DISP3: variants seen among roughly 807,000 people sequenced by gnomAD.
DISP3 encodes the protein dispatched RND transporter family member 3.
A neutral mutation model predicts 135.3 loss-of-function variants in DISP3; 101 were observed. The observed-to-expected ratio is 0.75, with a 90% confidence interval of 0.64 to 0.88. The LOEUF is 0.88. Ranked by LOEUF, DISP3 falls within the 40% of genes least tolerant of loss-of-function variation. DISP3 has a pLI of 0.00. For synonymous variants in DISP3, 856 were observed against 817.0 expected (o/e 1.05, Z -0.81); for missense variants, 1,713 against 1,878.6 (o/e 0.91, Z 1.63).
At chr1:11,530,518 T>G (rs1642550110) in intron 15 of DISP3, among the ~76,000 whole-genome samples, 1 of 151,648 alleles carries the variant, frequency 6.6e-6, no homozygotes. Flanking sequence ...TCGGAGGAGA[T>G]CTGTGTGTTC....
intron 1 of DISP3, among the ~76,000 whole-genome samples, chr1:11,497,714 TC>T (rs947526290): frequency 3.1e-4 from 47 of 152,146 alleles, no homozygotes; most frequent in African/African-American, 1.1e-3. Context: ...TGCTTTTGCG[TC>T]CTCATAGCTT....
chr1:11,534,071 C>A (rs1201163043), intron 17 of DISP3, among the ~76,000 whole-genome samples: 1 of 152,216 alleles, frequency 6.6e-6, no homozygotes, highest in Non-Finnish European at 1.5e-5. Context: ...GAAGGATGAG[C>A]AGGAACTGGC....
In DISP3 at chr1:11,519,748, G is replaced by C. The variant is rs1370436966; in HGVS notation, c.2068G>C (p.Val690Leu). The change falls in exon 9 of 21, where the codon GTG becomes CTG. Residue 690 changes from valine to leucine, a missense_variant. This residue lies in a region of DISP3 where 1,142 missense variants were observed against 1,384.6 expected (regional missense o/e 0.82). Transcript: ENST00000294484. This position sits in a 1 kb window ranked among gnomAD's most constrained non-coding sequence, Gnocchi z 4.3. ...ACTGGAGCTGGGAGACGTGTCCCTG[G>C]TGTCTGTGTCCCCCGAGGGTCTGCA... ...VSLELGDVSL[V>L]SVSPEGLQPA... The C allele has an allele frequency of 1.2e-6, 2 of 1,613,084 alleles. No homozygotes were observed. Among genetic ancestry groups the C allele is most frequent in the African/African-American group, 2.7e-5 (2 of 75,044 alleles).
chr1:11,525,054 A>T, intron 11 of DISP3, 122 bp from the exon 12 acceptor site: 1 of 1,208,220 alleles, frequency 8.3e-7, no homozygotes, highest in Non-Finnish European at 1.2e-6. Flanking sequence ...CAGCATTTTG[A>T]GATGAGCCCA....
At chr1:11,484,682 C>A (rs1053038370) in intron 1 of DISP3, among the ~76,000 whole-genome samples, 1 of 152,154 alleles carries the variant, frequency 6.6e-6, no homozygotes, top group African/African-American at 2.4e-5. Context: ...AGATGGGGAA[C>A]CTGCCAGTTT....
chr1:11,526,638 A>T lies in DISP3; in HGVS notation c.2614-13A>T. The stretch of plus-strand genomic sequence containing the variant: ...CGAGTCATGTGTCTTGTCTCTGTCA[A>T]CCCACTGCTTAGGTGTATAGAGCGC... On this transcript the variant is annotated splice_polypyrimidine_tract_variant and intron_variant, in intron 12 of 20. Transcript: ENST00000294484. 1 of 1,605,200 alleles carries T rather than the reference A, an allele frequency of 6.2e-7. No homozygotes were observed. Among genetic ancestry groups the T allele is most frequent in the Non-Finnish European group, 8.5e-7 (1 of 1,172,462 alleles).
intron 3 of DISP3, among the ~76,000 whole-genome samples, chr1:11,510,886 C>G (rs921682888): frequency 6.6e-6 from 1 of 152,166 alleles, no homozygotes; most frequent in Non-Finnish European, 1.5e-5. Flanking sequence ...ACTTTCAGTT[C>G]CACATGGCTG....
At chr1:11,490,298 G>A (rs983136376) in intron 1 of DISP3, among the ~76,000 whole-genome samples, 3 of 151,948 alleles carry the variant, frequency 2.0e-5, no homozygotes, top group East Asian at 3.9e-4. Context: ...ATGATGTTTC[G>A]CTCTTGTTGC....
Position 11,529,808 on chromosome 1 carries a change from CCA to C in DISP3, c.2953_2954del (p.Thr985LeufsTer51), listed in dbSNP as rs1315657359. The C allele has an allele frequency of 6.2e-7, 1 of 1,613,642 alleles. No individual in the cohort carries two copies. The highest frequency in any genetic ancestry group is 1.3e-5 in the African/African-American group (1 of 75,066). ...GCAGTGCCCAAGGCCCGTCTCTCAGCCACCTTCGGCTTCAACCCCTGCGTGAA... is the reference window on the plus strand; with the variant it reads ...GCAGTGCCCAAGGCCCGTCTCTCAGCCCTTCGGCTTCAACCCCTGCGTGAA... On this transcript the variant is annotated frameshift_variant, in exon 15 of 21. Transcript: ENST00000294484. LOFTEE classifies it high-confidence loss of function. This position sits in a 1 kb window ranked among gnomAD's most constrained non-coding sequence, Gnocchi z 4.7.
chr1:11,509,316 A>T (rs982081297), intron 3 of DISP3, among the ~76,000 whole-genome samples: 4 of 151,970 alleles, frequency 2.6e-5, no homozygotes, highest in Non-Finnish European at 5.9e-5. Flanking sequence ...ATGGTTCAGT[A>T]TGTGGTCTTT....
chr1:11,515,976 C>T, intron 5 of DISP3, 25 bp from the exon 6 acceptor site: 1 of 1,610,378 alleles, frequency 6.2e-7, no homozygotes, highest in Non-Finnish European at 8.5e-7. Context: ...TAATCCTGAG[C>T]CTGGCTGGGG....
In DISP3 at chr1:11,536,777, C is replaced by T. The variant is rs1416580360; in HGVS notation, c.*91C>T. 7.0e-7 allele frequency: 1 copy of T among 1,424,502 alleles called. No homozygotes were observed. The highest frequency in any genetic ancestry group is 2.8e-5 in the Admixed American group (1 of 35,530). 88.2% of individuals were successfully genotyped at this position (1,424,502 alleles called of 1,614,324 possible). A position where few individuals can be genotyped will look rare whatever the true frequency, so the allele number is the denominator to read the frequency against. Reference sequence around the variant, plus strand: ...GCTCGACTTCAGCTAGCTGTGTCCCCAGGCCTGGGCCCAGGGCGCCCTGCG... The same window carrying T: ...GCTCGACTTCAGCTAGCTGTGTCCCTAGGCCTGGGCCCAGGGCGCCCTGCG... On this transcript the variant is annotated 3_prime_UTR_variant, in exon 21 of 21. Transcript: ENST00000294484. This position sits in a 1 kb window ranked among gnomAD's most constrained non-coding sequence, Gnocchi z 4.3.
rs12068806 is a variant in DISP3 at position 11,483,967 on chromosome 1, G to C, written c.-4+4595G>C. Among the ~76,000 whole-genome samples the C allele has an allele frequency of 0.048, 7,348 of 152,242 alleles. 561 individuals are homozygous for C. The highest frequency in any genetic ancestry group is 0.17 in the African/African-American group (6,906 of 41,506). On this transcript the variant is annotated intron_variant, in intron 1 of 20. Coordinates refer to ENST00000294484, the MANE Select transcript of DISP3 (RefSeq NM_020780.2). This position sits in a 1 kb window ranked among gnomAD's most constrained non-coding sequence, Gnocchi z 5.4. Reference sequence around the variant, plus strand: ...AATCCCAGGCCAGGGATCTTCCCAGGCAGCCGGACTGGCTTCCTTGGGTGT... The same window carrying C: ...AATCCCAGGCCAGGGATCTTCCCAGCCAGCCGGACTGGCTTCCTTGGGTGT...
intron 18 of DISP3, 21 bp from the exon 19 acceptor site, chr1:11,534,990 A>G (rs770412061): frequency 1.3e-6 from 2 of 1,554,754 alleles, no homozygotes; most frequent in East Asian, 2.4e-5. Context: ...CAGCGCACTG[A>G]GGCCCTGTCC....
In DISP3 at chr1:11,483,891, G is replaced by C. The variant is rs1400438836; in HGVS notation, c.-4+4519G>C. Among the ~76,000 whole-genome samples the C allele has an allele frequency of 6.6e-6, 1 of 152,214 alleles. No homozygotes were observed. Among genetic ancestry groups the C allele is most frequent in the Non-Finnish European group, 1.5e-5 (1 of 68,028 alleles). On this transcript the variant is annotated intron_variant, in intron 1 of 20. Transcript: ENST00000294484. The surrounding 1 kb of genome is among the most constrained non-coding windows in gnomAD (Gnocchi z 5.4). The stretch of plus-strand genomic sequence containing the variant: ...GGGGAAGTTACTTCAGAGAGGGCAA[G>C]TGAGTTGCCCAGCATCACACAGCAT...
At position 11,536,210 on chromosome 1, in the gene DISP3, C is replaced by T; in HGVS notation, c.3817-114C>T. On this transcript the variant is annotated intron_variant, in intron 20 of 20. Transcript: ENST00000294484. This position sits in a 1 kb window ranked among gnomAD's most constrained non-coding sequence, Gnocchi z 4.3. ...ACCCTGGGAGGCCACTTGCAGCTCT[C>T]ATCCCAGTAACAGAGCAGGAACCTG... is the stretch of plus-strand genomic sequence containing the variant. 3 of 1,425,480 alleles carry T rather than the reference C, an allele frequency of 2.1e-6. No individual in the cohort carries two copies. The highest frequency in any genetic ancestry group is 2.9e-5 in the South Asian group (2 of 68,584). 88.3% of individuals were successfully genotyped at this position (1,425,480 alleles called of 1,614,324 possible).
rs764102860 is a variant in DISP3 at position 11,531,631 on chromosome 1, T to G, written c.3296T>G (p.Leu1099Arg). 3 of 1,613,424 alleles carry G rather than the reference T, an allele frequency of 1.9e-6. No individual in the cohort carries two copies. Among genetic ancestry groups the G allele is most frequent in the Non-Finnish European group, 2.5e-6 (3 of 1,179,908 alleles). Residue 1099 changes from leucine to arginine, a missense_variant, in exon 17 of 21, where the codon CTG (leucine) becomes CGG (arginine). Leu to Arg is a moderately radical substitution (Grantham distance 102). Coordinates refer to ENST00000294484, the MANE Select transcript of DISP3 (RefSeq NM_020780.2). The surrounding 1 kb of genome is among the most constrained non-coding windows in gnomAD (Gnocchi z 5.2). Reference sequence around the variant, plus strand: ...TGCAAGGAGCTGCCCGAGCCCAACCTGCTCCCGGGGCAGCTGTCCCACGGG... The same window carrying G: ...TGCAAGGAGCTGCCCGAGCCCAACCGGCTCCCGGGGCAGCTGTCCCACGGG... ...PECKELPEPN[L>R]LPGQLSHGAV...
rs1642099329 is a variant in DISP3, at chr1:11,519,261, A to T, written c.1890-94A>T. 2 of 1,412,492 alleles carry T rather than the reference A, an allele frequency of 1.4e-6. No individual in the cohort carries two copies. Among genetic ancestry groups the T allele is most frequent in the Admixed American group, 1.9e-5 (1 of 52,416 alleles). 87.5% of individuals were successfully genotyped at this position (1,412,492 alleles called of 1,614,324 possible). ...TGTGTGTGACGTCAGCAGCACTGTG[A>T]TACCTGGGTTCATCTGATCCTCAGG... is the stretch of plus-strand genomic sequence containing the variant. On this transcript the variant is annotated intron_variant, in intron 7 of 20. Transcript: ENST00000294484. The surrounding 1 kb of genome is among the most constrained non-coding windows in gnomAD (Gnocchi z 4.3).
intron 1 of DISP3, among the ~76,000 whole-genome samples, chr1:11,500,209 C>G (rs1641463075): frequency 1.3e-5 from 2 of 152,198 alleles, no homozygotes; most frequent in African/African-American, 2.4e-5. Flanking sequence ...GCTGCAGCAC[C>G]CCATAGAAGG....
Sources: allele counts gnomAD v4.1 joint callset (sites outside exome capture counted in the v4.1 genomes callset), GRCh38; gene constraint gnomAD v4.1.1; regional missense constraint gnomAD v4.1.1; non-coding constraint Gnocchi (gnomAD v3.1); transcripts MANE v1.5; gene names NCBI Gene and HGNC (gene_info 2026-07-23, HGNC 2026-07-21).